Variants in AQP7 observed in about 807,000 individuals in gnomAD.
AQP7 encodes the protein aquaporin 7.
AQP7 carries 22 observed loss-of-function variants against 26.1 expected under a neutral mutation model. The ratio of observed to expected loss-of-function variants is 0.84; its 90% CI spans 0.60 to 1.20. AQP7 has a LOEUF of 1.20. Ranked by LOEUF, AQP7 falls within the 50% of genes most tolerant of loss-of-function variation. The pLI, the probability that AQP7 is intolerant of heterozygous loss-of-function variation, is 0.00. For synonymous variants in AQP7, 167 were observed against 181.7 expected, an observed-to-expected ratio of 0.92 and a Z score of 0.65; for missense variants, 412 against 457.5, an observed-to-expected ratio of 0.90 and a Z score of 0.91.
chr9:33,400,165 C>T (rs1417267553), intron 2 of AQP7, among the ~76,000 whole-genome samples: 5 of 152,236 alleles, frequency 3.3e-5, no homozygotes, highest in African/African-American at 4.8e-5. Flanking sequence ...TCATTCTCTC[C>T]GTCCAAGTGT....
chr9:33,395,163 G>T lies in AQP7; in HGVS notation c.59C>A (p.Ser20Tyr). The change falls in exon 3 of 8, where the codon TCC (serine) becomes TAC (tyrosine). Residue 20 changes from serine (S) to tyrosine (Y), a missense_variant. By Grantham distance (144) the Ser-to-Tyr change is moderately radical. Transcript: ENST00000297988. ...TATTTCCTGGATCTTTGCTATCACG[G>T]ACCAGGAGACCATTTTGGAGCCACG... Reference protein sequence around the residue: ...STRGSKMVSWSVIAKIQEILQ... With the variant: ...STRGSKMVSWYVIAKIQEILQ... 6.2e-7 allele frequency: 1 copy of T among 1,613,952 alleles called. No individual in the cohort carries two copies. The highest frequency in any genetic ancestry group is 2.2e-5 in the East Asian group (1 of 44,864).
At chr9:33,401,850 G>A (rs1384297599) in intron 1 of AQP7, 2 of 154,934 alleles carry the variant, frequency 1.3e-5, no homozygotes, top group East Asian at 3.8e-4. Context: ...CACCCTGTCT[G>A]TCCTCCTGAT....
chr9:33,392,428 A>G (rs1477456610), intron 3 of AQP7, among the ~76,000 whole-genome samples: 1 of 152,174 alleles, frequency 6.6e-6, no homozygotes, highest in African/African-American at 2.4e-5. Flanking sequence ...GGATAATAAT[A>G]GTACCTACTT....
intron 4 of AQP7, among the ~76,000 whole-genome samples, 156 bp from the exon 5 acceptor site, chr9:33,386,697 C>T (rs962782070): frequency 1.3e-5 from 2 of 152,222 alleles, no homozygotes; most frequent in African/African-American, 4.8e-5. Flanking sequence ...GCAGGGGCCA[C>T]CATCTTCGTT....
intron 3 of AQP7, among the ~76,000 whole-genome samples, chr9:33,387,697 G>A (rs1824989364): frequency 6.6e-6 from 1 of 151,930 alleles, no homozygotes; most frequent in South Asian, 2.1e-4. Context: ...CCTTCACAGG[G>A]GAAGGGGCCT....
intron 3 of AQP7, among the ~76,000 whole-genome samples, chr9:33,391,170 G>T (rs561209146): frequency 6.6e-6 from 1 of 152,312 alleles, no homozygotes; most frequent in African/African-American, 2.4e-5. Context: ...CCCTGTGTCA[G>T]GGTTGCCAAC....
Position 33,387,097 on chromosome 9 carries a change from A to G in AQP7, c.145-5T>C. 6.2e-7 allele frequency: 1 copy of G among 1,611,404 alleles called. No individual in the cohort carries two copies. The highest frequency in any genetic ancestry group is 8.5e-7 in the Non-Finnish European group (1 of 1,179,488). On this transcript the variant is annotated splice_polypyrimidine_tract_variant and splice_region_variant and intron_variant, in intron 3 of 7. Coordinates refer to ENST00000297988, the MANE Select transcript of AQP7 (RefSeq NM_001170.3). ...CACGGAACCAAGGCCGAATACCTAC[A>G]AGGGAGGGCCTCTAAGGGGGCTGCC...
intron 4 of AQP7, 142 bp downstream of exon 4, chr9:33,386,827 G>A (rs1278307120): frequency 1.6e-6 from 2 of 1,239,572 alleles, no homozygotes; most frequent in Non-Finnish European, 2.2e-6. Flanking sequence ...ATAGGCACGG[G>A]GTTCAGAGGA....
chr9:33,385,742 A>T lies in AQP7; in HGVS notation c.650T>A (p.Leu217His), dbSNP rs201773300. 2 of 1,613,932 alleles carry T rather than the reference A, an allele frequency of 1.2e-6. No homozygotes were observed. The highest frequency in any genetic ancestry group is 1.7e-6 in the Non-Finnish European group (2 of 1,180,034). ...GILVVIIGVS[L>H]GMNTGYAINP... The stretch of plus-strand genomic sequence containing the variant: ...GATGGCATATCCTGTGTTCATGCCA[A>T]GGGACACCCCGATGATGACCACGAG... Residue 217 changes from leucine (L) to histidine (H), a missense_variant, in exon 7 of 8, where the codon CTT becomes CAT. Leu to His is a moderately conservative substitution (Grantham distance 99). Transcript: ENST00000297988.
intron 2 of AQP7, among the ~76,000 whole-genome samples, chr9:33,399,752 G>A (rs1396042081): frequency 2.6e-5 from 4 of 152,152 alleles, no homozygotes; most frequent in Admixed American, 2.0e-4. Flanking sequence ...CCTGGGACTG[G>A]GGGAGCTCAG....
chr9:33,385,004 C>A lies in AQP7; in HGVS notation c.*1G>T. 1 of 1,607,406 alleles carries A rather than the reference C, an allele frequency of 6.2e-7. No individual in the cohort carries two copies. The highest frequency in any genetic ancestry group is 8.5e-7 in the Non-Finnish European group (1 of 1,177,108). On this transcript the variant is annotated 3_prime_UTR_variant, in exon 8 of 8. Transcript: ENST00000297988. The stretch of plus-strand genomic sequence containing the variant: ...TGGATGGGATCACAAATAATCTCTG[C>A]TTAGAAGTGCTCTAGGGCCATGGAT...
At chr9:33,392,522 T>A (rs1825502507) in intron 3 of AQP7, among the ~76,000 whole-genome samples, 1 of 151,934 alleles carries the variant, frequency 6.6e-6, no homozygotes, top group Non-Finnish European at 1.5e-5. Context: ...AGGTGCTCAA[T>A]GAAAATCTCA....
chr9:33,400,956 G>T, intron 2 of AQP7: 1 of 508,258 alleles, frequency 2.0e-6, no homozygotes, highest in South Asian at 2.5e-5. Context: ...GAGCCTGAGA[G>T]GGTGAGAGGT....
At chr9:33,401,126 A>C (rs1000986955) in intron 2 of AQP7, 111 bp downstream of exon 2, 38 of 1,249,614 alleles carry the variant, frequency 3.0e-5, no homozygotes, top group Non-Finnish European at 4.3e-5. Flanking sequence ...GAGGAGGTCG[A>C]GTGGGGACAG....
In AQP7 at chr9:33,385,284, C is replaced by T. The variant is rs116974820; in HGVS notation, c.750G>A (p.Gly250=). The T allele has an allele frequency of 8.3e-5, 133 of 1,609,404 alleles. No homozygotes were observed. In the East Asian group the frequency reaches 2.9e-3, roughly 35 times the overall value. ...AGWGKQVFSN[G]ENWWWVPVVA... Reference sequence around the variant, plus strand: ...CCACTGGCACCCACCACCAGTTCTCCCCATTGCTGCAGGCAAGAGGCAGAG... The same window carrying T: ...CCACTGGCACCCACCACCAGTTCTCTCCATTGCTGCAGGCAAGAGGCAGAG... The change falls in exon 8 of 8, where the codon GGG becomes GGA. Residue 250 remains glycine, a synonymous_variant. Transcript: ENST00000297988.
rs1209083505 is a variant in AQP7 at position 33,384,920 on chromosome 9, C to T, written c.*85G>A. 2 of 1,477,306 alleles carry T rather than the reference C, an allele frequency of 1.4e-6. No individual in the cohort carries two copies. The highest frequency in any genetic ancestry group is 2.6e-5 in the South Asian group (2 of 76,690). 91.5% of individuals were successfully genotyped at this position (1,477,306 alleles called of 1,614,324 possible). On this transcript the variant is annotated 3_prime_UTR_variant, in exon 8 of 8. Transcript: ENST00000297988. ...AGAACCCAGGAGGGAAGCCCAACCA[C>T]AGGAGGCCCCCAGGAAGTGGGGGTA...
intron 4 of AQP7, 116 bp downstream of exon 4, chr9:33,386,853 G>A (rs1044743983): frequency 2.6e-5 from 38 of 1,471,532 alleles, no homozygotes; most frequent in East Asian, 1.4e-4. Context: ...CCTCCCGCCC[G>A]GTGGCCAGGC....
intron 3 of AQP7, among the ~76,000 whole-genome samples, chr9:33,389,121 G>A (rs547361914): frequency 4.6e-4 from 70 of 151,044 alleles, no homozygotes; most frequent in African/African-American, 1.5e-3. Flanking sequence ...TCCAACTCCC[G>A]GGTTCAAGTG....
At chr9:33,393,050 A>C (rs1825552900) in intron 3 of AQP7, among the ~76,000 whole-genome samples, 1 of 152,176 alleles carries the variant, frequency 6.6e-6, no homozygotes, top group South Asian at 2.1e-4. Flanking sequence ...CAACATGGTG[A>C]AACCCCATCT....
Sources: allele counts gnomAD v4.1 joint callset (sites outside exome capture counted in the v4.1 genomes callset), GRCh38; gene constraint gnomAD v4.1.1; transcripts MANE v1.5; gene names NCBI Gene and HGNC (gene_info 2026-07-23, HGNC 2026-07-21).